The following HEATR4 variants were observed in gnomAD, a reference collection of about 807,000 sequenced individuals.
The protein encoded by HEATR4 is HEAT repeat-containing protein 4.
A neutral mutation model predicts 108.8 loss-of-function variants in HEATR4; 95 were observed. That is an observed-to-expected ratio of 0.87 (90% CI 0.74 to 1.04). The LOEUF is 1.04. HEATR4 is among the 50% of genes least tolerant of loss of function. The pLI is 0.00. For synonymous variants in HEATR4, 443 were observed against 459.4 expected (o/e 0.96, Z 0.46); for missense variants, 1,152 against 1,253.8 (o/e 0.92, Z 1.23).
chr14:73,513,372 T>C (rs1173572461), intron 6 of HEATR4, among the ~76,000 whole-genome samples: 1 of 151,620 alleles, frequency 6.6e-6, no homozygotes, highest in Non-Finnish European at 1.5e-5. Context: ...GGCAGGAGAA[T>C]CGCTTGAACC....
the HEATR4 span, among the ~76,000 whole-genome samples, chr14:73,620,927 G>A: frequency 4.0e-5 from 6 of 151,868 alleles, no homozygotes; most frequent in Middle Eastern, 3.4e-3. Flanking sequence ...TCCCTGGGCC[G>A]GGCACGGTGG....
chr14:73,506,802 C>CTTTTTTTT (rs1470976246), intron 9 of HEATR4, among the ~76,000 whole-genome samples: 30 of 57,990 alleles, frequency 5.2e-4, no homozygotes, highest in Admixed American at 1.3e-3. Context: ...CTGACTTTAA[C>CTTTTTTTT]TGTTTTTTTT....
In HEATR4 at chr14:73,522,750, C is replaced by T. The variant is rs376151634; in HGVS notation, c.403G>A (p.Ala135Thr). The change falls in exon 3 of 18, where the codon GCT (alanine) becomes ACT (threonine). Residue 135 changes from alanine to threonine, a missense_variant. Ala to Thr is a moderately conservative substitution (Grantham distance 58). Coordinates refer to ENST00000553558, the MANE Select transcript of HEATR4 (RefSeq NM_001220484.1). ...TTGGCAGAGCTTTCTGTCTTCACAG[C>T]CAGGGAGGTGTCTCCTGTTAAGGGA... is the stretch of plus-strand genomic sequence containing the variant. ...SSPLTGDTSL[A>T]VKTESSANPE... 57 of 1,614,080 alleles carry T rather than the reference C, an allele frequency of 3.5e-5. No individual in the cohort carries two copies. Among genetic ancestry groups the T allele is most frequent in the Non-Finnish European group, 4.1e-5 (48 of 1,180,040 alleles).
chr14:73,569,703 C>T, the HEATR4 span: 10 of 1,609,626 alleles, frequency 6.2e-6, no homozygotes, highest in Non-Finnish European at 8.5e-6. Flanking sequence ...TTTGGTGCGG[C>T]TGGTGAAGCG....
At position 73,500,310 on chromosome 14, in the gene HEATR4, C is replaced by T. The variant is rs545348659; in HGVS notation, c.2286+240G>A. ...TTTTTTTTTTTAGCTCATCAACTAT[C>T]GTTAGTGTTAGTGTACTTTATATGT... On this transcript the variant is annotated intron_variant, in intron 12 of 17. Transcript: ENST00000553558. Among the ~76,000 whole-genome samples the T allele has an allele frequency of 3.4e-4, 51 of 148,350 alleles. No individual in the cohort carries two copies. In the East Asian group the frequency reaches 5.9e-3, roughly 17 times the overall value.
the HEATR4 span, among the ~76,000 whole-genome samples, chr14:73,603,424 G>A: frequency 5.3e-5 from 8 of 151,890 alleles, no homozygotes; most frequent in Admixed American, 1.3e-4. Context: ...GCACATTCTC[G>A]GCTCACTGTA....
the HEATR4 span, among the ~76,000 whole-genome samples, chr14:73,593,336 C>CT: frequency 0.33 from 34,664 of 104,732 alleles, 6,476 homozygotes; most frequent in East Asian, 0.59. Flanking sequence ...TTCTTTCTTT[C>CT]TTTTTTTTTT....
At chr14:73,522,134 C>G (rs1888010425) in intron 3 of HEATR4, 138 bp downstream of exon 3, 1 of 923,318 alleles carries the variant, frequency 1.1e-6, no homozygotes, top group Non-Finnish European at 1.7e-6. Flanking sequence ...GCAGAGCTCT[C>G]AGAGAGCAGG....
chr14:73,538,742 C>A (rs1286905218), intron 1 of HEATR4, among the ~76,000 whole-genome samples: 2 of 113,860 alleles, frequency 1.8e-5, no homozygotes, highest in Non-Finnish European at 3.8e-5. Context: ...CTTTGGGAGG[C>A]CGAGGCAGGC....
the HEATR4 span, among the ~76,000 whole-genome samples, chr14:73,590,073 C>A: frequency 4.6e-5 from 7 of 152,284 alleles, no homozygotes; most frequent in East Asian, 1.9e-4. Flanking sequence ...TAGAACAAAC[C>A]TTCCCGCAAC....
rs761627278 is a variant in HEATR4 at position 73,508,307 on chromosome 14, G to T, written c.1721-13C>A. 21 of 1,612,218 alleles carry T rather than the reference G, an allele frequency of 1.3e-5. No individual in the cohort carries two copies. The highest frequency in any genetic ancestry group is 1.5e-5 in the Non-Finnish European group (18 of 1,179,474). ...TCCACACTGTTACCTGCCACAGTTG[G>T]GTGAAAAAGAGTTCAGAATGGTGAT... On this transcript the variant is annotated splice_polypyrimidine_tract_variant and intron_variant, in intron 8 of 17. Coordinates refer to ENST00000553558, the MANE Select transcript of HEATR4 (RefSeq NM_001220484.1).
At chr14:73,598,205 C>A in the HEATR4 span, among the ~76,000 whole-genome samples, 10 of 88,968 alleles carry the variant, frequency 1.1e-4, no homozygotes, top group Non-Finnish European at 2.0e-4. Context: ...AACCCCGTCT[C>A]TACTAAAAAT....
intron 1 of HEATR4, among the ~76,000 whole-genome samples, chr14:73,538,077 T>A (rs1359610648): frequency 9.2e-6 from 1 of 108,418 alleles, no homozygotes; most frequent in Non-Finnish European, 2.0e-5. Flanking sequence ...TCCTCCCGCC[T>A]CTGCCTCCCC....
intron 17 of HEATR4, among the ~76,000 whole-genome samples, chr14:73,490,218 C>T (rs938829250): frequency 6.6e-6 from 1 of 152,284 alleles, no homozygotes; most frequent in South Asian, 2.1e-4. Flanking sequence ...CTCCACCTCC[C>T]GAGTTCAAGC....
chr14:73,579,282 A>C, the HEATR4 span, among the ~76,000 whole-genome samples: 5 of 147,638 alleles, frequency 3.4e-5, 1 homozygote, highest in African/African-American at 4.9e-5. Flanking sequence ...AAAAAAAAAA[A>C]AAAAAAAAAA....
the HEATR4 span, chr14:73,616,753 G>A: frequency 2.8e-6 from 1 of 354,528 alleles, no homozygotes; most frequent in Admixed American, 4.6e-5. Context: ...GGGTTACACG[G>A]ATGAACTGTA....
chr14:73,560,715 G>A (rs1889519262), upstream of HEATR4, among the ~76,000 whole-genome samples: 2 of 151,540 alleles, frequency 1.3e-5, no homozygotes, highest in South Asian at 2.1e-4. Flanking sequence ...TTATAACCCT[G>A]CTAAGGCAGG....
chr14:73,491,823 A>G (rs1189347355), intron 17 of HEATR4: 1 of 1,605,664 alleles, frequency 6.2e-7, no homozygotes, highest in Non-Finnish European at 8.5e-7. Flanking sequence ...CGCTACATCA[A>G]CGGACGACGC....
chr14:73,625,803 C>T, the HEATR4 span, among the ~76,000 whole-genome samples: 89 of 152,314 alleles, frequency 5.8e-4, no homozygotes, highest in Non-Finnish European at 9.8e-4. Flanking sequence ...ACTGGCCTTT[C>T]CCATCTGTTT....
Sources: gnomAD v4.1 joint callset for allele counts (sites outside exome capture counted in the v4.1 genomes callset) on GRCh38, gnomAD v4.1.1 for gene constraint, MANE v1.5 for transcripts, NCBI Gene and HGNC (gene_info 2026-07-23, HGNC 2026-07-21) for gene names.